The following FGD5 variants were observed in gnomAD, a reference collection of about 807,000 sequenced individuals.
FGD5 encodes the protein FYVE, RhoGEF and PH domain-containing protein 5.
In FGD5, 28 loss-of-function variants were observed where a neutral mutation model predicts 133.4. The observed-to-expected ratio is 0.21, with a 90% CI of 0.16 to 0.29. The LOEUF is 0.29. FGD5 is among the 10% of genes least tolerant of loss of function. The pLI is 1.00. For missense variants in FGD5, 1,858 were observed against 1,895.2 expected, an observed-to-expected ratio of 0.98 and a Z score of 0.36; for synonymous variants, 810 against 776.5, an observed-to-expected ratio of 1.04 and a Z score of -0.72.
chr3:14,892,590 G>A (rs1396995407), intron 4 of FGD5, among the ~76,000 whole-genome samples: 1 of 152,166 alleles, frequency 6.6e-6, no homozygotes, highest in Non-Finnish European at 1.5e-5. Flanking sequence ...GGCCGAGGCG[G>A]GCAGATCACC....
chr3:14,881,502 A>G (rs1017506526), intron 4 of FGD5, among the ~76,000 whole-genome samples: 1 of 152,188 alleles, frequency 6.6e-6, no homozygotes, highest in Admixed American at 6.5e-5. Flanking sequence ...AACCTTGGGC[A>G]GGCTTCCCTG....
At chr3:14,902,669 C>T (rs1031117533) in intron 9 of FGD5, among the ~76,000 whole-genome samples, 1 of 152,212 alleles carries the variant, frequency 6.6e-6, no homozygotes, top group African/African-American at 2.4e-5. Context: ...CCTGCCCCTC[C>T]TCATTTTGGC....
intron 1 of FGD5, among the ~76,000 whole-genome samples, chr3:14,841,982 T>A (rs963585351): frequency 2.4e-4 from 37 of 152,202 alleles, no homozygotes; most frequent in South Asian, 4.1e-4. Context: ...ACGCTGTGCC[T>A]GAGAGTAAAG....
At position 14,922,366 on chromosome 3, in the gene FGD5, CT is replaced by C; in HGVS notation, c.3670-44del. The C allele has an allele frequency of 6.4e-7, 1 of 1,552,672 alleles. No homozygotes were observed. The highest frequency in any genetic ancestry group is 8.7e-7 in the Non-Finnish European group (1 of 1,147,524). ...TCACTGGGCTCTGCATCTGGCTGGT[CT>C]CCTGGCCACATTCCACATTACTCAG... is the stretch of plus-strand genomic sequence containing the variant. On this transcript the variant is annotated intron_variant, in intron 14 of 19. Transcript: ENST00000285046. This position sits in a 1 kb window ranked among gnomAD's most constrained non-coding sequence, Gnocchi z 4.1.
chr3:14,918,919 T>G, intron 13 of FGD5, 86 bp downstream of exon 13: 2 of 1,421,342 alleles, frequency 1.4e-6, no homozygotes, highest in African/African-American at 2.8e-5. Flanking sequence ...ATGTGCTGTT[T>G]TTATTTTGGT....
intron 10 of FGD5, 138 bp downstream of exon 10, chr3:14,907,849 G>A (rs754976361): frequency 2.1e-5 from 17 of 819,352 alleles, no homozygotes; most frequent in Non-Finnish European, 2.9e-5. Context: ...GCGGGTGGGC[G>A]TGGGCTCACT....
chr3:14,859,404 A>G (rs1163139764), intron 1 of FGD5, among the ~76,000 whole-genome samples: 1 of 152,032 alleles, frequency 6.6e-6, no homozygotes, highest in African/African-American at 2.4e-5. Context: ...TAAAAAATAC[A>G]AAAATTAGCT....
chr3:14,821,086 A>T lies in FGD5; in HGVS notation c.2015A>T (p.Asp672Val). The stretch of plus-strand genomic sequence containing the variant: ...AAGACGGAGAACAAATTGCATGTGG[A>T]TGTGAACGTGTCTTCCTCTAGGTCC... ...KKKTENKLHV[D>V]VNVSSSRSSS... is the part of the protein sequence containing the mutation. The change falls in exon 1 of 20, where the codon GAT becomes GTT. Residue 672 changes from aspartate to valine, a missense_variant. Transcript: ENST00000285046. The T allele has an allele frequency of 6.2e-7, 1 of 1,613,986 alleles. No homozygotes were observed. The highest frequency in any genetic ancestry group is 1.7e-5 in the Admixed American group (1 of 60,022).
At chr3:14,811,217 C>T (rs2036288572) in intron 1 of FGD5, 1 of 152,244 alleles carries the variant, frequency 6.6e-6, no homozygotes, top group African/African-American at 2.4e-5. Flanking sequence ...TCGTCTGGCC[C>T]CAAAACCTTT....
At position 14,883,369 on chromosome 3, in the gene FGD5, A is replaced by G. The variant is rs139818404; in HGVS notation, c.2748+2597A>G. ...TCCATCCTTCCAGGAACCCAGTCAT[A>G]AGAACTTTCCTCACCTGCGCATCTG... On this transcript the variant is annotated intron_variant, in intron 4 of 19. Coordinates refer to ENST00000285046, the MANE Select transcript of FGD5 (RefSeq NM_152536.4). Among the ~76,000 whole-genome samples the G allele has an allele frequency of 4.6e-5, 7 of 152,292 alleles. No homozygotes were observed. The East Asian group carries it at 5.8e-4, about 13-fold the overall frequency.
intron 1 of FGD5, among the ~76,000 whole-genome samples, chr3:14,832,656 T>C (rs972071562): frequency 6.6e-6 from 1 of 152,014 alleles, no homozygotes; most frequent in African/African-American, 2.4e-5. Flanking sequence ...ATGATGGAGG[T>C]AGGACCAGAG....
At chr3:14,912,249 G>A (rs2038463055) in intron 11 of FGD5, among the ~76,000 whole-genome samples, 1 of 152,174 alleles carries the variant, frequency 6.6e-6, no homozygotes, top group Admixed American at 6.5e-5. Context: ...AGGGTGTGCT[G>A]GGCCCCGATG....
intron 1 of FGD5, among the ~76,000 whole-genome samples, chr3:14,845,294 G>A (rs974218680): frequency 6.6e-6 from 1 of 152,106 alleles, no homozygotes; most frequent in Non-Finnish European, 1.5e-5. Context: ...TGGCCACATC[G>A]ACCCCTAACT....
chr3:14,853,720 G>A (rs374339320), intron 1 of FGD5, among the ~76,000 whole-genome samples: 2 of 129,028 alleles, frequency 1.6e-5, no homozygotes, highest in South Asian at 2.5e-4. Context: ...CCCAACCAGC[G>A]TTACATAGGA....
At chr3:14,861,023 G>A (rs2037388354) in intron 1 of FGD5, among the ~76,000 whole-genome samples, 1 of 152,162 alleles carries the variant, frequency 6.6e-6, no homozygotes, top group Non-Finnish European at 1.5e-5. Context: ...AAAGAATACA[G>A]CATATGACCT....
In FGD5 at chr3:14,861,408, A is replaced by C. The variant is rs376684962; in HGVS notation, c.2526-2720A>C. On this transcript the variant is annotated intron_variant, in intron 1 of 19. Coordinates refer to ENST00000285046, the MANE Select transcript of FGD5 (RefSeq NM_152536.4). The stretch of plus-strand genomic sequence containing the variant: ...CAAGAGCATGAGCTCTCATCTCCGC[A>C]CTCCACTGACTTACAGAAGTAAAAT... Among the ~76,000 whole-genome samples the C allele has an allele frequency of 8.5e-5, 13 of 152,160 alleles. No homozygotes were observed. In the East Asian group the frequency reaches 1.9e-3, roughly 23 times the overall value.
intron 2 of FGD5, 103 bp from the exon 3 acceptor site, chr3:14,880,469 A>C: frequency 1.0e-6 from 1 of 998,146 alleles, no homozygotes; most frequent in Non-Finnish European, 1.5e-6. Context: ...GAGTGCCAGG[A>C]AATGGTCTGC....
chr3:14,864,995 C>T (rs62241762), intron 2 of FGD5, among the ~76,000 whole-genome samples: 365 of 152,284 alleles, frequency 2.4e-3, no homozygotes, highest in Non-Finnish European at 3.7e-3. Context: ...CAGGCCTAGG[C>T]ATGTGACTGG....
chr3:14,932,797 G>C, intron 19 of FGD5, 66 bp downstream of exon 19: 27 of 1,561,620 alleles, frequency 1.7e-5, no homozygotes, highest in Non-Finnish European at 2.3e-5. Context: ...TTGTTTCTTG[G>C]GGCTTTGGCT....
Sources: allele counts gnomAD v4.1 joint callset (sites outside exome capture counted in the v4.1 genomes callset), GRCh38; gene constraint gnomAD v4.1.1; non-coding constraint Gnocchi (gnomAD v3.1); transcripts MANE v1.5; gene names NCBI Gene and HGNC (gene_info 2026-07-23, HGNC 2026-07-21).